Variants in PXK observed in about 807,000 individuals in gnomAD.
PXK encodes the protein PX domain-containing protein kinase-like protein.
Under a neutral mutation model 84.7 loss-of-function variants are expected in PXK, and 35 were observed. That is an observed-to-expected ratio of 0.41 (90% CI 0.32 to 0.55). The LOEUF (loss-of-function observed/expected upper bound fraction) is 0.55, where lower values mean the gene tolerates loss of function less well. PXK is among the 20% of genes least tolerant of loss of function. The pLI, the probability that PXK is intolerant of heterozygous loss-of-function variation, is 0.21. For synonymous variants in PXK, 253 were observed against 260.8 expected (o/e 0.97, Z 0.29); for missense variants, 634 against 699.7 (o/e 0.91, Z 1.06).
intron 1 of PXK, among the ~76,000 whole-genome samples, chr3:58,352,435 A>G (rs766888312): frequency 6.6e-6 from 1 of 152,236 alleles, no homozygotes; most frequent in Non-Finnish European, 1.5e-5. Flanking sequence ...CCTACTAAAC[A>G]TGTAGTGGGT....
rs372989610 is a variant in PXK at position 58,365,974 on chromosome 3, G to A, written c.153+50G>A. 118 of 1,451,670 alleles carry A rather than the reference G, an allele frequency of 8.1e-5. 1 individual carries two copies. The highest frequency in any genetic ancestry group is 9.3e-5 in the Non-Finnish European group (99 of 1,067,304). 89.9% of individuals were successfully genotyped at this position (1,451,670 alleles called of 1,614,324 possible). ...GTCAATTAGAAAAATATTTAAATGC[G>A]TGACTAAAACCCTGACTTGGGGCCT... is the stretch of plus-strand genomic sequence containing the variant. On this transcript the variant is annotated intron_variant, in intron 2 of 17. Coordinates refer to ENST00000356151, the MANE Select transcript of PXK (RefSeq NM_017771.5).
chr3:58,393,607 C>T (rs1344933675), intron 7 of PXK, among the ~76,000 whole-genome samples: 1 of 151,932 alleles, frequency 6.6e-6, no homozygotes, highest in African/African-American at 2.4e-5. Flanking sequence ...CTTCTATTGA[C>T]ATTTAGATCA....
At position 58,401,753 on chromosome 3, in the gene PXK, T is replaced by C. The variant is rs11927183; in HGVS notation, c.1182-2109T>C. ...CATCCTAGCTAACACGGTGAAACCC[T>C]GTCTCTACTAAAAATGCAAAAAAAT... On this transcript the variant is annotated intron_variant, in intron 12 of 17. Coordinates refer to ENST00000356151, the MANE Select transcript of PXK (RefSeq NM_017771.5). This position sits in a 1 kb window ranked among gnomAD's most constrained non-coding sequence, Gnocchi z 4.4. Among the ~76,000 whole-genome samples, 45,034 of 151,946 alleles carry C rather than the reference T, an allele frequency of 0.3. 7,436 individuals are homozygous for C. The highest frequency in any genetic ancestry group is 0.4 in the Middle Eastern group (116 of 292).
At chr3:58,349,609 G>T (rs2107983430) in intron 1 of PXK, among the ~76,000 whole-genome samples, 1 of 152,070 alleles carries the variant, frequency 6.6e-6, no homozygotes, top group South Asian at 2.1e-4. Context: ...ACCCTCCTCG[G>T]CTTCCCAAAG....
At chr3:58,392,349 C>T (rs2098639599) in intron 7 of PXK, among the ~76,000 whole-genome samples, 1 of 152,162 alleles carries the variant, frequency 6.6e-6, no homozygotes, top group Non-Finnish European at 1.5e-5. Flanking sequence ...TGCAAAGAAC[C>T]ACGTTGATAT....
intron 3 of PXK, among the ~76,000 whole-genome samples, chr3:58,372,002 A>G (rs1450614122): frequency 6.6e-6 from 1 of 152,222 alleles, no homozygotes; most frequent in African/African-American, 2.4e-5. Context: ...TGACAGATAA[A>G]TGAGTTCCTG....
rs1159247642 is a variant in PXK, at chr3:58,378,492, CTTTTTT to C, written c.202-4006_202-4001del. 7.8e-4 allele frequency among the ~76,000 whole-genome samples: 19 copies of C among 24,324 alleles called. 1 individual carries two copies. The highest frequency in any genetic ancestry group is 2.6e-3 in the East Asian group (1 of 386). The allele number at this position is 24,324 out of a possible 152,430, so 16.0% of individuals were successfully genotyped here. On this transcript the variant is annotated intron_variant, in intron 3 of 17. Transcript: ENST00000356151. ...ATTGGATTTGGACTTCATTTTTCTT[CTTTTTT>C]TTTTTTTTTTTTTTTGTGTGTGTGT... is the stretch of plus-strand genomic sequence containing the variant.
intron 3 of PXK, among the ~76,000 whole-genome samples, chr3:58,375,030 G>A (rs1187120034): frequency 7.3e-6 from 1 of 136,276 alleles, no homozygotes; most frequent in Non-Finnish European, 1.7e-5. Flanking sequence ...TCTGGGCAGA[G>A]CAATACATTT....
Position 58,424,937 on chromosome 3 carries a change from C to T in PXK, c.1714C>T (p.His572Tyr). ...TTTGAGGAAAGCCAAAACCTGTGAT[C>T]ACAGTGCTCCGAAGATCGGCTGAAG... ...GTLRKAKTCD[H>Y]SAPKIG Residue 572 changes from histidine to tyrosine, a missense_variant, in exon 18 of 18, where the codon CAC (histidine) becomes TAC (tyrosine). Transcript: ENST00000356151. 6.2e-7 allele frequency: 1 copy of T among 1,614,140 alleles called. No homozygotes were observed. The highest frequency in any genetic ancestry group is 8.5e-7 in the Non-Finnish European group (1 of 1,180,036).
intron 1 of PXK, among the ~76,000 whole-genome samples, chr3:58,345,180 C>T (rs1394375237): frequency 6.6e-6 from 1 of 152,144 alleles, no homozygotes; most frequent in Non-Finnish European, 1.5e-5. Context: ...GAGCAGGGCA[C>T]AGGGGAGAGG....
chr3:58,415,416 G>T (rs1200470468), intron 17 of PXK, among the ~76,000 whole-genome samples: 1 of 152,180 alleles, frequency 6.6e-6, no homozygotes, highest in Non-Finnish European at 1.5e-5. Flanking sequence ...AGGGAAACAT[G>T]TTTACTGGTT....
At chr3:58,336,735 G>A (rs1334210606) in intron 1 of PXK, among the ~76,000 whole-genome samples, 1 of 152,220 alleles carries the variant, frequency 6.6e-6, no homozygotes, top group Non-Finnish European at 1.5e-5. Flanking sequence ...GTTTTGGAAA[G>A]CGCTGTTATC....
rs200635746 is a variant in PXK, at chr3:58,382,594, A to G, written c.282A>G (p.Lys94=). The G allele has an allele frequency of 1.8e-5, 29 of 1,608,300 alleles. No individual in the cohort carries two copies. The Middle Eastern group carries it at 5.0e-4, about 27-fold the overall frequency. The change falls in exon 4 of 18, where the codon AAA becomes AAG. Residue 94 remains lysine (K), a synonymous_variant. Coordinates refer to ENST00000356151, the MANE Select transcript of PXK (RefSeq NM_017771.5). The stretch of plus-strand genomic sequence containing the variant: ...GTGAATTCATAGCTGAAAGGCAGAA[A>G]GGTCTTCAGAACTATCTCAACGTGA... ...MDREFIAERQ[K]GLQNYLNVIT...
intron 1 of PXK, among the ~76,000 whole-genome samples, chr3:58,357,060 C>T (rs994782596): frequency 1.7e-4 from 26 of 151,340 alleles, no homozygotes; most frequent in Admixed American, 3.9e-4. Flanking sequence ...GCAGGCAGAT[C>T]ATGAGGTCAA....
chr3:58,410,109 T>C lies in PXK; in HGVS notation c.1415T>C (p.Leu472Pro). Residue 472 changes from leucine to proline, a missense_variant, in exon 16 of 18, where the codon CTT (leucine) becomes CCT (proline). Coordinates refer to ENST00000356151, the MANE Select transcript of PXK (RefSeq NM_017771.5). Reference sequence around the variant, plus strand: ...TTAAAGAAGTCAAAACGATCTGCTCTTGAAAATAGTGAAGAGCATTCAGCG... The same window carrying C: ...TTAAAGAAGTCAAAACGATCTGCTCCTGAAAATAGTGAAGAGCATTCAGCG... ...LARKKSKRSA[L>P]ENSEEHSAKY... 6.2e-7 allele frequency: 1 copy of C among 1,600,046 alleles called. No individual in the cohort carries two copies. Among genetic ancestry groups the C allele is most frequent in the South Asian group, 1.1e-5 (1 of 90,770 alleles).
chr3:58,343,090 G>C (rs1353792071), intron 1 of PXK, among the ~76,000 whole-genome samples: 1 of 152,174 alleles, frequency 6.6e-6, no homozygotes, highest in East Asian at 1.9e-4. Context: ...ATGGAGTGTT[G>C]GTATGGGAGA....
At chr3:58,375,184 T>A (rs2098427922) in intron 3 of PXK, among the ~76,000 whole-genome samples, 1 of 152,244 alleles carries the variant, frequency 6.6e-6, no homozygotes, top group Non-Finnish European at 1.5e-5. Context: ...AATCCAATGA[T>A]GTCAGATGTG....
In PXK at chr3:58,407,432, TA is replaced by T. The variant is rs2059559464; in HGVS notation, c.1231-1491del. On this transcript the variant is annotated intron_variant, in intron 13 of 17. Transcript: ENST00000356151. This position sits in a 1 kb window ranked among gnomAD's most constrained non-coding sequence, Gnocchi z 4.3. ...TGTTGTTGAGTTGTTGGAGTTCCTTTATATATTCTGGATATTAACCCCTTAT... is the reference window on the plus strand; with the variant it reads ...TGTTGTTGAGTTGTTGGAGTTCCTTTTATATTCTGGATATTAACCCCTTAT... 6.6e-6 allele frequency among the ~76,000 whole-genome samples: 1 copy of T among 152,210 alleles called. No homozygotes were observed. Among genetic ancestry groups the T allele is most frequent in the Non-Finnish European group, 1.5e-5 (1 of 68,034 alleles).
At position 58,412,656 on chromosome 3, in the gene PXK, G is replaced by T. The variant is rs2060373329; in HGVS notation, c.1466-245G>T. Among the ~76,000 whole-genome samples, 1 of 152,182 alleles carries T rather than the reference G, an allele frequency of 6.6e-6. No individual in the cohort carries two copies. The highest frequency in any genetic ancestry group is 1.5e-5 in the Non-Finnish European group (1 of 68,034). On this transcript the variant is annotated intron_variant, in intron 16 of 17. Transcript: ENST00000356151. This position sits in a 1 kb window ranked among gnomAD's most constrained non-coding sequence, Gnocchi z 6.2. ...ATGGTGCAAAGTTTCAAACCAGGCA[G>T]GCCATGGGGAGCAGTGGGAGGCAAG...
Sources: allele counts gnomAD v4.1 joint callset (sites outside exome capture counted in the v4.1 genomes callset), GRCh38; gene constraint gnomAD v4.1.1; non-coding constraint Gnocchi (gnomAD v3.1); transcripts MANE v1.5; gene names NCBI Gene and HGNC (gene_info 2026-07-23, HGNC 2026-07-21).